The following ECM2 variants were observed in gnomAD, a reference collection of about 807,000 sequenced individuals.
The protein encoded by ECM2 is extracellular matrix protein 2.
In ECM2, 57 loss-of-function variants were observed where a neutral mutation model predicts 67.5. The observed-to-expected ratio is 0.84, with a 90% CI of 0.68 to 1.05. The LOEUF (loss-of-function observed/expected upper bound fraction) is 1.05. Among genes scored for constraint, ECM2 ranks in the 50% least tolerant of loss-of-function variants. ECM2 has a pLI of 0.00. For missense variants in ECM2, 741 were observed against 822.8 expected, an observed-to-expected ratio of 0.90 and a Z score of 1.22; for synonymous variants, 258 against 294.5, an observed-to-expected ratio of 0.88 and a Z score of 1.27.
Position 92,505,651 on chromosome 9 carries a change from T to C in ECM2, c.1346A>G (p.Asn449Ser). Residue 449 changes from asparagine to serine, a missense_variant, in exon 7 of 10, where the codon AAT becomes AGT. Asn to Ser is a conservative substitution (Grantham distance 46, BLOSUM62 1). Coordinates refer to ENST00000344604, the MANE Select transcript of ECM2 (RefSeq NM_001393.4). ...AGGATTGACATTGGCTTCACTGAGA[T>C]TGTTTCCTTCCAATTCTAAGGTGAC... ...QLVTLELEGN[N>S]LSEANVNPLA... 6.2e-7 allele frequency: 1 copy of C among 1,607,132 alleles called. No homozygotes were observed. Among genetic ancestry groups the C allele is most frequent in the Non-Finnish European group, 8.5e-7 (1 of 1,178,140 alleles).
intron 1 of ECM2, among the ~76,000 whole-genome samples, chr9:92,528,774 G>T (rs539798133): frequency 9.2e-5 from 14 of 152,242 alleles, no homozygotes; most frequent in Admixed American, 6.5e-4. Flanking sequence ...GAATTAAACT[G>T]CGTACAATAA....
chr9:92,547,005 C>T, the ECM2 span, among the ~76,000 whole-genome samples: 1 of 152,134 alleles, frequency 6.6e-6, no homozygotes, highest in Non-Finnish European at 1.5e-5. Context: ...AGGTCAGTCT[C>T]ACTAATGAAC....
intron 6 of ECM2, among the ~76,000 whole-genome samples, chr9:92,509,127 C>T (rs1410200393): frequency 6.6e-6 from 1 of 151,576 alleles, no homozygotes; most frequent in African/African-American, 2.4e-5. Context: ...CCAGCAATGT[C>T]GAGTGCACAG....
At chr9:92,512,371 T>C (rs1198978813) in intron 4 of ECM2, among the ~76,000 whole-genome samples, 2 of 152,242 alleles carry the variant, frequency 1.3e-5, no homozygotes, top group Admixed American at 1.3e-4. Flanking sequence ...AAATATATCA[T>C]GGTTTAGATG....
the ECM2 span, among the ~76,000 whole-genome samples, chr9:92,545,692 G>T: frequency 7.6e-3 from 1,158 of 152,356 alleles, 6 homozygotes; most frequent in Non-Finnish European, 0.012. Flanking sequence ...TCCACTGGGT[G>T]AATCCAGCTG....
At chr9:92,540,627 C>A (rs1008298047), upstream of ECM2, among the ~76,000 whole-genome samples, 1 of 150,520 alleles carries the variant, frequency 6.6e-6, no homozygotes, top group African/African-American at 2.4e-5. Flanking sequence ...AAAAATTAGC[C>A]GAGCATGGTG....
the ECM2 span, among the ~76,000 whole-genome samples, chr9:92,555,640 T>C: frequency 4.6e-5 from 7 of 152,320 alleles, no homozygotes; most frequent in African/African-American, 1.7e-4. Context: ...TTCCAGGAAC[T>C]TATTCATCTC....
chr9:92,510,126 C>G, intron 5 of ECM2, 92 bp from the exon 6 acceptor site: 1 of 1,411,192 alleles, frequency 7.1e-7, no homozygotes, highest in East Asian at 2.4e-5. Flanking sequence ...GTCTCACAAA[C>G]CTATCCTTCC....
intron 1 of ECM2, among the ~76,000 whole-genome samples, chr9:92,523,334 A>G (rs1159707255): frequency 6.6e-6 from 1 of 152,232 alleles, no homozygotes; most frequent in Non-Finnish European, 1.5e-5. Flanking sequence ...TTGAGGCGTC[A>G]TAGGCTACAC....
At chr9:92,522,262 A>G (rs1848117984) in intron 2 of ECM2, among the ~76,000 whole-genome samples, 1 of 151,770 alleles carries the variant, frequency 6.6e-6, no homozygotes, top group Non-Finnish European at 1.5e-5. Context: ...AATTTTTTGT[A>G]TTTTTAGTAG....
At chr9:92,540,770 C>CA (rs34768785), upstream of ECM2, among the ~76,000 whole-genome samples, 120 of 142,076 alleles carry the variant, frequency 8.4e-4, 1 homozygote, top group African/African-American at 1.3e-3. Flanking sequence ...GACTCTGTCT[C>CA]AAAAAAAAAA....
chr9:92,497,650 A>G (rs1454015707), intron 9 of ECM2, among the ~76,000 whole-genome samples: 2 of 151,686 alleles, frequency 1.3e-5, no homozygotes, highest in East Asian at 3.9e-4. Context: ...AAGAAAGAAA[A>G]AAGAAAAAAA....
intron 2 of ECM2, among the ~76,000 whole-genome samples, chr9:92,518,459 C>T (rs1349653845): frequency 6.6e-6 from 1 of 152,140 alleles, no homozygotes; most frequent in Admixed American, 6.5e-5. Context: ...AGCTCACAGC[C>T]CACCCTTGAT....
intron 1 of ECM2, among the ~76,000 whole-genome samples, chr9:92,525,961 A>C (rs1028598869): frequency 6.6e-6 from 1 of 151,750 alleles, no homozygotes; most frequent in Non-Finnish European, 1.5e-5. Context: ...TTTCATATAC[A>C]ACTATATTAC....
upstream of ECM2, among the ~76,000 whole-genome samples, chr9:92,541,492 C>T (rs1211041122): frequency 6.8e-6 from 1 of 146,980 alleles, no homozygotes; most frequent in African/African-American, 2.5e-5. Flanking sequence ...TCCCGAGTAG[C>T]TGGGATTGCA....
chr9:92,521,164 A>G (rs550509933), intron 2 of ECM2, among the ~76,000 whole-genome samples: 1 of 152,356 alleles, frequency 6.6e-6, no homozygotes, highest in South Asian at 2.1e-4. Context: ...ATATTTTCGG[A>G]CAACTTGGAA....
chr9:92,546,906 T>C, the ECM2 span, among the ~76,000 whole-genome samples: 144 of 152,300 alleles, frequency 9.5e-4, no homozygotes, highest in Middle Eastern at 3.4e-3. Context: ...ATACCACAGG[T>C]CTCTATATTC....
chr9:92,509,858 A>T (rs746720463), intron 6 of ECM2, 41 bp downstream of exon 6: 50 of 1,573,300 alleles, frequency 3.2e-5, no homozygotes, highest in Non-Finnish European at 4.3e-5. Context: ...TATAGGAAAG[A>T]TTATAAGGAA....
the ECM2 span, among the ~76,000 whole-genome samples, chr9:92,552,196 C>T: frequency 2.6e-3 from 381 of 144,912 alleles, 13 homozygotes; most frequent in African/African-American, 9.1e-3. Flanking sequence ...CATATACACA[C>T]ACACACACAC....
Sources: allele counts gnomAD v4.1 joint callset (sites outside exome capture counted in the v4.1 genomes callset), GRCh38; gene constraint gnomAD v4.1.1; transcripts MANE v1.5; gene names NCBI Gene and HGNC (gene_info 2026-07-23, HGNC 2026-07-21).